The following ACSS3 variants were observed in gnomAD, a reference collection of about 807,000 sequenced individuals.
ACSS3 encodes the protein acyl-CoA synthetase short-chain family member 3, mitochondrial.
ACSS3 carries 64 observed loss-of-function variants against 84.2 expected under a neutral mutation model. That is an observed-to-expected ratio of 0.76 (90% CI 0.62 to 0.94). The LOEUF is 0.94. Among genes scored for constraint, ACSS3 ranks in the 40% least tolerant of loss-of-function variants. ACSS3 has a pLI of 0.00. For missense variants in ACSS3, 815 were observed against 867.6 expected (o/e 0.94, Z 0.76); for synonymous variants, 317 against 310.1 (o/e 1.02, Z -0.23).
In ACSS3 at chr12:81,134,893, C is replaced by A; in HGVS notation, c.534C>A (p.Ile178=). ...GDTVVIYMPM[I]PQAMYTMLAC... is the part of the protein sequence containing the mutation. Reference sequence around the variant, plus strand: ...CTGTGGTTATCTACATGCCTATGATCCCACAGGCGATGTATACCATGTTGG... The same window carrying A: ...CTGTGGTTATCTACATGCCTATGATACCACAGGCGATGTATACCATGTTGG... The change falls in exon 3 of 16, where the codon ATC becomes ATA. Residue 178 remains isoleucine, a synonymous_variant. Transcript: ENST00000548058. 6.2e-7 allele frequency: 1 copy of A among 1,603,442 alleles called. No homozygotes were observed. Among genetic ancestry groups the A allele is most frequent in the Non-Finnish European group, 8.5e-7 (1 of 1,174,192 alleles).
In ACSS3 at chr12:81,248,199, A is replaced by T. The variant is rs186483763; in HGVS notation, c.1720-5108A>T. Among the ~76,000 whole-genome samples, 8 of 152,120 alleles carry T rather than the reference A, an allele frequency of 5.3e-5. No individual in the cohort carries two copies. The East Asian group carries it at 1.2e-3, about 22-fold the overall frequency. On this transcript the variant is annotated intron_variant, in intron 13 of 15. Transcript: ENST00000548058. ...TACCATAAGGTCTTGCAATCCCACT[A>T]CTGGGTATTTATCCAAAGGAAAATA...
At chr12:81,080,526 C>G (rs1002199762) in intron 1 of ACSS3, among the ~76,000 whole-genome samples, 3 of 151,940 alleles carry the variant, frequency 2.0e-5, no homozygotes, top group African/African-American at 4.8e-5. Flanking sequence ...AACTTTGACT[C>G]TATTTATTTC....
chr12:81,119,838 G>T (rs1884417930), intron 2 of ACSS3, among the ~76,000 whole-genome samples: 1 of 152,152 alleles, frequency 6.6e-6, no homozygotes, highest in Non-Finnish European at 1.5e-5. Context: ...TCATCACAGT[G>T]ATCCTGAGGT....
chr12:81,251,684 A>AAAAAAAAAAAAAAAG (rs2034159507), intron 13 of ACSS3, among the ~76,000 whole-genome samples: 1 of 149,056 alleles, frequency 6.7e-6, no homozygotes, highest in African/African-American at 2.5e-5. Flanking sequence ...AAAAAAAAAA[A>AAAAAAAAAAAAAAAG]TACAAAAATT....
At chr12:81,098,379 T>G (rs768806020) in intron 1 of ACSS3, among the ~76,000 whole-genome samples, 3 of 152,162 alleles carry the variant, frequency 2.0e-5, no homozygotes, top group Non-Finnish European at 4.4e-5. Context: ...TAGAAGTGTT[T>G]TGGGTCCTTA....
intron 4 of ACSS3, among the ~76,000 whole-genome samples, chr12:81,141,231 G>T (rs950099764): frequency 6.6e-6 from 1 of 152,056 alleles, no homozygotes; most frequent in African/African-American, 2.4e-5. Flanking sequence ...TTCCTCTATT[G>T]TGATATAGAT....
At chr12:81,152,929 A>C (rs1156635337) in intron 7 of ACSS3, among the ~76,000 whole-genome samples, 1 of 152,242 alleles carries the variant, frequency 6.6e-6, no homozygotes, top group Non-Finnish European at 1.5e-5. Context: ...TATAACATCC[A>C]TAACTTAAAC....
intron 1 of ACSS3, among the ~76,000 whole-genome samples, chr12:81,081,565 T>C (rs1255746016): frequency 3.3e-5 from 5 of 152,172 alleles, no homozygotes; most frequent in Admixed American, 1.3e-4. Context: ...CTGCTGCCTG[T>C]CCTGAAATTG....
chr12:81,184,225 A>G (rs1481390055), intron 8 of ACSS3, among the ~76,000 whole-genome samples: 2 of 151,240 alleles, frequency 1.3e-5, no homozygotes, highest in African/African-American at 2.4e-5. Flanking sequence ...AGAACAATTT[A>G]AAAACATCTT....
In ACSS3 at chr12:81,257,784, T is replaced by C. The variant is rs2034361147; in HGVS notation, c.*2862T>C. The C allele has an allele frequency of 6.6e-6, 1 of 152,112 alleles. No homozygotes were observed. The highest frequency in any genetic ancestry group is 2.4e-5 in the African/African-American group (1 of 41,442). The allele number at this position is 152,112 out of a possible 1,614,324, so 9.4% of individuals were successfully genotyped here. A position where few individuals can be genotyped will look rare whatever the true frequency, so the allele number is the denominator to read the frequency against. On this transcript the variant is annotated 3_prime_UTR_variant, in exon 16 of 16. Coordinates refer to ENST00000548058, the MANE Select transcript of ACSS3 (RefSeq NM_024560.4). ...CTCTGAGCTTAATCCATTAAATGGA[T>C]TTTAGAATCTAGTAGAAGTTATCTT...
intron 11 of ACSS3, among the ~76,000 whole-genome samples, chr12:81,225,603 A>C (rs1323484417): frequency 6.6e-6 from 1 of 151,998 alleles, no homozygotes; most frequent in Non-Finnish European, 1.5e-5. Context: ...CCTGATGAAC[A>C]CTTGAATCGT....
chr12:81,206,642 A>G (rs761434314), intron 9 of ACSS3, among the ~76,000 whole-genome samples: 3 of 152,036 alleles, frequency 2.0e-5, no homozygotes, highest in African/African-American at 7.2e-5. Flanking sequence ...AAGAAGCCCT[A>G]TGTCATTATT....
At chr12:81,181,747 C>CAA (rs59878486) in intron 8 of ACSS3, among the ~76,000 whole-genome samples, 1,011 of 47,854 alleles carry the variant, frequency 0.021, 43 homozygotes, top group South Asian at 0.052. Flanking sequence ...ATCAATTAAG[C>CAA]AAAAAAAAAA....
rs141441938 is a variant in ACSS3 at position 81,191,854 on chromosome 12, T to C, written c.1251-7487T>C. On this transcript the variant is annotated intron_variant, in intron 8 of 15. Coordinates refer to ENST00000548058, the MANE Select transcript of ACSS3 (RefSeq NM_024560.4). ...ACCTCTAGTTGTATCTAAACTTTCATTGAGTTTATAATTCCTAAACATTTT... is the reference window on the plus strand; with the variant it reads ...ACCTCTAGTTGTATCTAAACTTTCACTGAGTTTATAATTCCTAAACATTTT... Among the ~76,000 whole-genome samples, 135 of 152,310 alleles carry C rather than the reference T, an allele frequency of 8.9e-4. 1 individual carries two copies. Among genetic ancestry groups the C allele is most frequent in the Non-Finnish European group, 6.9e-4 (47 of 68,030 alleles).
At chr12:81,237,630 A>G (rs549752343) in intron 13 of ACSS3, among the ~76,000 whole-genome samples, 7 of 151,586 alleles carry the variant, frequency 4.6e-5, no homozygotes, top group Admixed American at 4.0e-4. Flanking sequence ...GTGGCTATTT[A>G]TTTTAGGAAG....
intron 11 of ACSS3, among the ~76,000 whole-genome samples, chr12:81,225,853 A>G (rs1256965481): frequency 6.6e-6 from 1 of 151,924 alleles, no homozygotes; most frequent in East Asian, 1.9e-4. Context: ...GTTAACGCAT[A>G]AATAAAAGAG....
chr12:81,220,639 T>C (rs1489419252), intron 11 of ACSS3, among the ~76,000 whole-genome samples: 1 of 152,082 alleles, frequency 6.6e-6, no homozygotes, highest in Non-Finnish European at 1.5e-5. Context: ...TTCATCATTA[T>C]GTCCATGTGT....
chr12:81,162,151 G>A (rs1461931088), intron 7 of ACSS3, among the ~76,000 whole-genome samples: 1 of 152,212 alleles, frequency 6.6e-6, no homozygotes, highest in East Asian at 1.9e-4. Flanking sequence ...CCCATGTCAA[G>A]GATGCATGAG....
Position 81,259,489 on chromosome 12 carries a change from GT to G in ACSS3, c.*4568del. The G allele has an allele frequency of 2.8e-6, 2 of 721,530 alleles. No individual in the cohort carries two copies. Among genetic ancestry groups the G allele is most frequent in the East Asian group, 5.4e-5 (2 of 36,752 alleles). The allele number at this position is 721,530 out of a possible 1,614,324, so 44.7% of individuals were successfully genotyped here. On this transcript the variant is annotated 3_prime_UTR_variant, in exon 16 of 16. Transcript: ENST00000548058. ...TGACTTAAGCATTTTATTACAATTTGTAGTAAACTAATCAAATGTAATATCT... is the reference window on the plus strand; with the variant it reads ...TGACTTAAGCATTTTATTACAATTTGAGTAAACTAATCAAATGTAATATCT...
Sources: gnomAD v4.1 joint callset for allele counts (sites outside exome capture counted in the v4.1 genomes callset) on GRCh38, gnomAD v4.1.1 for gene constraint, MANE v1.5 for transcripts, NCBI Gene and HGNC (gene_info 2026-07-23, HGNC 2026-07-21) for gene names.